PACRG: variants seen among roughly 807,000 people sequenced by gnomAD.
The protein encoded by PACRG is parkin coregulated gene protein.
In PACRG, 29 loss-of-function variants were observed where a neutral mutation model predicts 29.7. That is an observed-to-expected ratio of 0.98 (90% CI 0.73 to 1.33). The LOEUF (loss-of-function observed/expected upper bound fraction) is 1.33, where lower values mean the gene tolerates loss of function less well. PACRG is among the 40% of genes most tolerant of loss of function. The probability of loss-of-function intolerance (pLI) is 0.00; values close to 1 mark genes in which losing one functional copy is unlikely to be tolerated. For missense variants in PACRG, 279 were observed against 316.2 expected (o/e 0.88, Z 0.89); for synonymous variants, 116 against 118.7 (o/e 0.98, Z 0.15).
At position 163,127,578 on chromosome 6, in the gene PACRG, T is replaced by A. The variant is rs559557168; in HGVS notation, c.613+38170T>A. Among the ~76,000 whole-genome samples the A allele has an allele frequency of 5.9e-5, 9 of 152,300 alleles. No individual in the cohort carries two copies. In the South Asian group the frequency reaches 1.7e-3, roughly 28 times the overall value. On this transcript the variant is annotated intron_variant, in intron 4 of 4. Coordinates refer to ENST00000366888, the MANE Select transcript of PACRG (RefSeq NM_001080379.2). ...TCGCCTTATAACTGCACACCCTCAATTGGATTAATTCTTATTAGTTTCCCC... is the reference window on the plus strand; with the variant it reads ...TCGCCTTATAACTGCACACCCTCAAATGGATTAATTCTTATTAGTTTCCCC...
At chr6:163,151,935 CA>C (rs1477123270) in intron 4 of PACRG, among the ~76,000 whole-genome samples, 1 of 152,154 alleles carries the variant, frequency 6.6e-6, no homozygotes, top group Non-Finnish European at 1.5e-5. Context: ...GATTCTACCC[CA>C]AATATGTCTT....
intron 1 of PACRG, among the ~76,000 whole-genome samples, chr6:162,791,999 G>A (rs1222320474): frequency 6.6e-6 from 1 of 152,142 alleles, no homozygotes; most frequent in Non-Finnish European, 1.5e-5. Context: ...CTAGGAGCAA[G>A]AACATTAGCT....
chr6:163,185,138 G>A (rs774290831), intron 4 of PACRG, among the ~76,000 whole-genome samples: 1 of 152,114 alleles, frequency 6.6e-6, no homozygotes, highest in African/African-American at 2.4e-5. Context: ...ATGGGGAAAG[G>A]ATCTAACCAC....
At chr6:163,240,934 A>G (rs753996017) in intron 4 of PACRG, among the ~76,000 whole-genome samples, 4 of 152,236 alleles carry the variant, frequency 2.6e-5, no homozygotes, top group Non-Finnish European at 4.4e-5. Flanking sequence ...CTCATGTTCC[A>G]GAAAGACTTC....
intron 2 of PACRG, among the ~76,000 whole-genome samples, chr6:162,830,078 A>G (rs1449671076): frequency 6.6e-6 from 1 of 152,082 alleles, no homozygotes; most frequent in African/African-American, 2.4e-5. Context: ...GAGGGATTTA[A>G]TATTGTTTGG....
At chr6:163,267,040 G>T (rs7746999) in intron 4 of PACRG, among the ~76,000 whole-genome samples, 3 of 152,000 alleles carry the variant, frequency 2.0e-5, no homozygotes, top group Non-Finnish European at 2.9e-5. Flanking sequence ...AAAAGGCAGA[G>T]GGTACTAAAG....
intron 1 of PACRG, among the ~76,000 whole-genome samples, chr6:162,738,054 TAAC>T (rs1780298766): frequency 1.3e-5 from 2 of 152,166 alleles, no homozygotes; most frequent in South Asian, 4.1e-4. Context: ...TTTTTAATTG[TAAC>T]ATTATATTCT....
At chr6:163,036,664 A>G (rs1407517135) in intron 2 of PACRG, among the ~76,000 whole-genome samples, 1 of 152,232 alleles carries the variant, frequency 6.6e-6, no homozygotes, top group Non-Finnish European at 1.5e-5. Context: ...AAGTCACACA[A>G]AATGACTTGT....
rs192189049 is a variant in PACRG at position 162,771,430 on chromosome 6, C to T, written c.157-42717C>T. 6.8e-4 allele frequency among the ~76,000 whole-genome samples: 103 copies of T among 152,184 alleles called. No homozygotes were observed. The East Asian group carries it at 0.01, about 15-fold the overall frequency. On this transcript the variant is annotated intron_variant, in intron 1 of 4. Transcript: ENST00000366888. ...AAGCAAATTAGGGAGTCTGTTTTTGCCAATTTTCCCATGTTGCTGTGGTTC... is the reference window on the plus strand; with the variant it reads ...AAGCAAATTAGGGAGTCTGTTTTTGTCAATTTTCCCATGTTGCTGTGGTTC...
intron 4 of PACRG, among the ~76,000 whole-genome samples, chr6:163,258,084 A>G (rs543114967): frequency 6.6e-6 from 1 of 152,284 alleles, no homozygotes; most frequent in South Asian, 2.1e-4. Context: ...TCAGAACACT[A>G]TTAAGGAATC....
intron 4 of PACRG, chr6:163,312,753 G>T: frequency 2.3e-6 from 1 of 434,222 alleles, no homozygotes; most frequent in Admixed American, 2.5e-5. Context: ...TATTCTTTTT[G>T]TTTTGTTTGT....
intron 4 of PACRG, among the ~76,000 whole-genome samples, chr6:163,207,368 A>C (rs1238854788): frequency 6.6e-6 from 1 of 152,234 alleles, no homozygotes; most frequent in Non-Finnish European, 1.5e-5. Flanking sequence ...TGAAAATAAC[A>C]AATGATCAAT....
intron 4 of PACRG, among the ~76,000 whole-genome samples, chr6:163,243,740 C>T (rs542119107): frequency 2.6e-4 from 39 of 152,292 alleles, no homozygotes; most frequent in African/African-American, 7.2e-4. Flanking sequence ...GAAACACTAA[C>T]CTGATGGAAA....
intron 2 of PACRG, chr6:163,060,907 T>C (rs913979453): frequency 6.6e-6 from 1 of 151,970 alleles, no homozygotes; most frequent in Non-Finnish European, 1.5e-5. Context: ...AATCAGAATA[T>C]CACTTTTTAT....
At chr6:162,752,453 G>C (rs4709648) in intron 1 of PACRG, among the ~76,000 whole-genome samples, 41,048 of 152,078 alleles carry the variant, frequency 0.27, 6,215 homozygotes, top group East Asian at 0.48. Flanking sequence ...TCAAGTTCCT[G>C]GAATTTTCTG....
chr6:163,123,413 T>G (rs79579344), intron 4 of PACRG, among the ~76,000 whole-genome samples: 1,929 of 152,348 alleles, frequency 0.013, 41 homozygotes, highest in African/African-American at 0.045. Context: ...CAAGCTGCTT[T>G]CTGTTAGAAA....
Position 162,850,118 on chromosome 6 carries a change from C to T in PACRG, c.291+35837C>T, listed in dbSNP as rs188689704. On this transcript the variant is annotated intron_variant, in intron 2 of 4. Coordinates refer to ENST00000366888, the MANE Select transcript of PACRG (RefSeq NM_001080379.2). Reference sequence around the variant, plus strand: ...CAATGAGTTTTATTTGGGAATTTTACAGATAATATCTTTAATCAAGTGCAT... The same window carrying T: ...CAATGAGTTTTATTTGGGAATTTTATAGATAATATCTTTAATCAAGTGCAT... Among the ~76,000 whole-genome samples the T allele has an allele frequency of 1.3e-4, 20 of 152,308 alleles. 2 individuals are homozygous for T. The South Asian group carries it at 2.7e-3, about 21-fold the overall frequency.
intron 4 of PACRG, among the ~76,000 whole-genome samples, chr6:163,296,455 C>T (rs546906977): frequency 1.7e-4 from 26 of 152,258 alleles, no homozygotes; most frequent in Middle Eastern, 3.4e-3. Flanking sequence ...CCACCACGCC[C>T]GGCTAATTTT....
chr6:163,281,911 T>C (rs1315111726), intron 4 of PACRG, among the ~76,000 whole-genome samples: 1 of 152,152 alleles, frequency 6.6e-6, no homozygotes, highest in Non-Finnish European at 1.5e-5. Context: ...ACAAAATCTC[T>C]TAAATGTTCA....
Sources: gnomAD v4.1 joint callset for allele counts (sites outside exome capture counted in the v4.1 genomes callset) on GRCh38, gnomAD v4.1.1 for gene constraint, MANE v1.5 for transcripts, NCBI Gene and HGNC (gene_info 2026-07-23, HGNC 2026-07-21) for gene names.